CAMK1G: variants seen among roughly 807,000 people sequenced by gnomAD.
The protein encoded by CAMK1G is calcium/calmodulin dependent protein kinase IG, also known as calcium/calmodulin-dependent protein kinase type 1G.
CAMK1G carries 27 observed loss-of-function variants against 54.8 expected under a neutral mutation model. That is an observed-to-expected ratio of 0.49 (90% CI 0.36 to 0.68). CAMK1G has a LOEUF of 0.68. Ranked by LOEUF, CAMK1G falls within the 30% of genes least tolerant of loss-of-function variation. The pLI is 0.00. For synonymous variants in CAMK1G, 238 were observed against 224.9 expected (o/e 1.06, Z -0.52); for missense variants, 512 against 591.0 (o/e 0.87, Z 1.39).
rs796763700 is a variant in CAMK1G at position 209,606,532 on chromosome 1, T to C, written c.559+89T>C. On this transcript the variant is annotated intron_variant, in intron 6 of 12. Transcript: ENST00000361322. Reference sequence around the variant, plus strand: ...ATAGAAAGGGGTGATTCTGAGAACATAGGGTTCAACTTCAGGGGCTATCCT... The same window carrying C: ...ATAGAAAGGGGTGATTCTGAGAACACAGGGTTCAACTTCAGGGGCTATCCT... 20 of 1,466,426 alleles carry C rather than the reference T, an allele frequency of 1.4e-5. No individual in the cohort carries two copies. In the African/African-American group the frequency reaches 1.4e-4, roughly 10 times the overall value. 90.8% of individuals were successfully genotyped at this position (1,466,426 alleles called of 1,614,324 possible).
rs867571755 is a variant in CAMK1G at position 209,612,156 on chromosome 1, G to A, written c.1280G>A (p.Ser427Asn). ...GCCSSCLNIG[S>N]KGKSSYCSEP... ...TGCTCCAGCTGCCTGAACATTGGGA[G>A]CAAAGGAAAGTCCTCCTACTGCTCT... Residue 427 changes from serine to asparagine, a missense_variant, in exon 11 of 13, where the codon AGC (serine) becomes AAC (asparagine). By Grantham distance (46) the Ser-to-Asn change is conservative (BLOSUM62 1). Around this residue, in one of 3 missense-constraint regions of CAMK1G, gnomAD observed 315 missense variants for 330.5 expected, o/e 0.95. Transcript: ENST00000361322. The A allele has an allele frequency of 6.2e-7, 1 of 1,614,218 alleles. No homozygotes were observed. The highest frequency in any genetic ancestry group is 1.1e-5 in the South Asian group (1 of 91,092).
chr1:209,611,728 A>C, intron 10 of CAMK1G, 64 bp from the exon 11 acceptor site: 1 of 1,568,440 alleles, frequency 6.4e-7, no homozygotes, highest in Non-Finnish European at 8.6e-7. Flanking sequence ...GGCAAAGGGA[A>C]AGTTTAAGCT....
At chr1:209,591,571 G>A (rs911185294) in intron 1 of CAMK1G, among the ~76,000 whole-genome samples, 2 of 152,160 alleles carry the variant, frequency 1.3e-5, no homozygotes, top group Non-Finnish European at 1.5e-5. Flanking sequence ...CAAGAGTCTC[G>A]TTTAGCTGAC....
chr1:209,611,207 A>G (rs1381850031), intron 9 of CAMK1G, among the ~76,000 whole-genome samples: 1 of 152,244 alleles, frequency 6.6e-6, no homozygotes, highest in African/African-American at 2.4e-5. Flanking sequence ...TTACAAAAAC[A>G]GGCAATAGGT....
At chr1:209,590,933 CA>C (rs1285191235) in intron 1 of CAMK1G, among the ~76,000 whole-genome samples, 1 of 151,750 alleles carries the variant, frequency 6.6e-6, no homozygotes, top group Admixed American at 6.6e-5. Context: ...CAATAATGGA[CA>C]ATCTCAAATT....
At chr1:209,603,561 C>G (rs992159293) in intron 4 of CAMK1G, among the ~76,000 whole-genome samples, 1 of 152,154 alleles carries the variant, frequency 6.6e-6, no homozygotes, top group Non-Finnish European at 1.5e-5. Flanking sequence ...TCCTACCAGT[C>G]AGCAAATAGC....
rs1665741999 is a variant in CAMK1G, at chr1:209,609,953, C to G, written c.827+24C>G. ...TGGTGAGTGAGACATGGAGTGGACT[C>G]TAGACCCCAGCCCTGTAGTTCCCAA... is the stretch of plus-strand genomic sequence containing the variant. On this transcript the variant is annotated intron_variant, in intron 9 of 12. Coordinates refer to ENST00000361322, the MANE Select transcript of CAMK1G (RefSeq NM_020439.3). 3.1e-6 allele frequency: 5 copies of G among 1,588,296 alleles called. No individual in the cohort carries two copies. In the South Asian group the frequency reaches 4.4e-5, roughly 14 times the overall value.
At chr1:209,584,816 C>T (rs1055762637) in intron 1 of CAMK1G, among the ~76,000 whole-genome samples, 1 of 152,180 alleles carries the variant, frequency 6.6e-6, no homozygotes, top group South Asian at 2.1e-4. Context: ...CCTGTCATTC[C>T]TGCTGACCCA....
In CAMK1G at chr1:209,612,862, G is replaced by A; in HGVS notation, c.1418G>A (p.Cys473Tyr). 6.2e-7 allele frequency: 1 copy of A among 1,611,190 alleles called. No homozygotes were observed. Among genetic ancestry groups the A allele is most frequent in the Non-Finnish European group, 8.5e-7 (1 of 1,177,480 alleles). Residue 473 changes from cysteine to tyrosine, a missense_variant, in exon 12 of 13, where the codon TGT becomes TAT. By Grantham distance (194) the Cys-to-Tyr change is radical (BLOSUM62 -2). Coordinates refer to ENST00000361322, the MANE Select transcript of CAMK1G (RefSeq NM_020439.3). The stretch of plus-strand genomic sequence containing the variant: ...TGCCGGGCAGGGCAGACTGGAGTCT[G>A]TCTCATTATGTGATTCCTGGAGCCT... ...SHCRAGQTGV[C>Y]LIM
intron 9 of CAMK1G, among the ~76,000 whole-genome samples, chr1:209,610,360 C>G (rs1236430106): frequency 6.6e-6 from 1 of 152,186 alleles, no homozygotes; most frequent in Non-Finnish European, 1.5e-5. Flanking sequence ...AAAAGAAAAT[C>G]TTAAAATATT....
chr1:209,598,156 C>G (rs1665433800), intron 2 of CAMK1G, among the ~76,000 whole-genome samples: 1 of 152,138 alleles, frequency 6.6e-6, no homozygotes, highest in African/African-American at 2.4e-5. Flanking sequence ...TCCAGAGGAC[C>G]CCCTTCAAAC....
chr1:209,589,060 A>C (rs568313818), intron 1 of CAMK1G, among the ~76,000 whole-genome samples: 1 of 152,200 alleles, frequency 6.6e-6, no homozygotes, highest in African/African-American at 2.4e-5. Context: ...ACTAGCCCCA[A>C]GGGAGGCAAC....
At position 209,609,882 on chromosome 1, in the gene CAMK1G, G is replaced by T. The variant is rs201972342; in HGVS notation, c.780G>T (p.Lys260Asn). Residue 260 changes from lysine (K) to asparagine (N), a missense_variant, in exon 9 of 13, where the codon AAG (lysine) becomes AAT (asparagine). Lys to Asn is a moderately conservative substitution (Grantham distance 94). This residue lies in a region of CAMK1G where 315 missense variants were observed against 330.5 expected (regional missense o/e 0.95). Transcript: ENST00000361322. Reference protein sequence around the residue: ...AKDFICHLLEKDPNERYTCEK... With the variant: ...AKDFICHLLENDPNERYTCEK... ...ACTTTATTTGCCACTTGCTTGAGAA[G>T]GATCCGAACGAGCGGTACACCTGTG... is the stretch of plus-strand genomic sequence containing the variant. The T allele has an allele frequency of 3.1e-6, 5 of 1,614,016 alleles. No individual in the cohort carries two copies. The highest frequency in any genetic ancestry group is 1.3e-5 in the African/African-American group (1 of 74,902).
Position 209,609,852 on chromosome 1 carries a change from C to T in CAMK1G, c.750C>T (p.Ala250=). The change falls in exon 9 of 13, where the codon GCC becomes GCT. Residue 250 remains alanine, a splice_region_variant and synonymous_variant. Transcript: ENST00000361322. ...SPFWDDISES[A]KDFICHLLEK... ...CGTGTCTTTGATTACTCCCCTTAGC[C>T]AAGGACTTTATTTGCCACTTGCTTG... 6.2e-7 allele frequency: 1 copy of T among 1,614,124 alleles called. No homozygotes were observed. The highest frequency in any genetic ancestry group is 8.5e-7 in the Non-Finnish European group (1 of 1,179,994).
chr1:209,609,166 G>C (rs983678187), intron 8 of CAMK1G, 74 bp downstream of exon 8: 1 of 1,575,536 alleles, frequency 6.3e-7, no homozygotes, highest in African/African-American at 1.4e-5. Flanking sequence ...GCTTAACAAA[G>C]GATGACAGTC....
intron 4 of CAMK1G, among the ~76,000 whole-genome samples, chr1:209,603,695 C>G (rs1366774847): frequency 6.6e-6 from 1 of 152,184 alleles, no homozygotes; most frequent in Non-Finnish European, 1.5e-5. Flanking sequence ...GGCACTGTGG[C>G]TTCAGTCCTT....
At chr1:209,596,723 T>C (rs1344571369) in intron 2 of CAMK1G, among the ~76,000 whole-genome samples, 1 of 151,766 alleles carries the variant, frequency 6.6e-6, no homozygotes, top group East Asian at 1.9e-4. Context: ...CTGAACTATT[T>C]GTAAATAAGT....
At chr1:209,590,609 G>A (rs998250071) in intron 1 of CAMK1G, among the ~76,000 whole-genome samples, 2 of 152,192 alleles carry the variant, frequency 1.3e-5, no homozygotes, top group Non-Finnish European at 2.9e-5. Flanking sequence ...AGAACAGGCC[G>A]TCATTCCATG....
At chr1:209,611,349 G>A (rs756903668) in intron 9 of CAMK1G, 116 bp from the exon 10 acceptor site, 19 of 849,354 alleles carry the variant, frequency 2.2e-5, no homozygotes, top group Admixed American at 4.6e-5. Context: ...GCTGTGGGCT[G>A]TCTTTCCTCT....
Sources: allele counts gnomAD v4.1 joint callset (sites outside exome capture counted in the v4.1 genomes callset), GRCh38; gene constraint gnomAD v4.1.1; regional missense constraint gnomAD v4.1.1; transcripts MANE v1.5; gene names NCBI Gene and HGNC (gene_info 2026-07-23, HGNC 2026-07-21).